NAV3: variants seen among roughly 807,000 people sequenced by gnomAD.
The protein encoded by NAV3 is pore membrane and/or filament interacting like protein 1.
A neutral mutation model predicts 244.7 loss-of-function variants in NAV3; 87 were observed. The observed-to-expected ratio is 0.36, with a 90% CI of 0.30 to 0.42. The LOEUF is 0.42. Ranked by LOEUF, NAV3 falls within the 20% of genes least tolerant of loss-of-function variation. The pLI is 1.00. For missense variants in NAV3, 2,663 were observed against 2,893.3 expected (o/e 0.92, Z 1.83); for synonymous variants, 1,126 against 1,042.2 (o/e 1.08, Z -1.55).
At chr12:77,954,601 C>T (rs964184812) in intron 3 of NAV3, among the ~76,000 whole-genome samples, 3 of 152,174 alleles carry the variant, frequency 2.0e-5, no homozygotes, top group Admixed American at 6.5e-5. Flanking sequence ...GCTTATGACT[C>T]TGTGTAAACT....
At chr12:78,090,043 T>C (rs746264886) in intron 12 of NAV3, among the ~76,000 whole-genome samples, 2 of 152,024 alleles carry the variant, frequency 1.3e-5, no homozygotes, top group Non-Finnish European at 2.9e-5. Flanking sequence ...TATTGCCTTG[T>C]TGCAAAATTA....
intron 12 of NAV3, among the ~76,000 whole-genome samples, chr12:78,094,138 C>T (rs1396947345): frequency 9.2e-5 from 14 of 152,166 alleles, no homozygotes; most frequent in Non-Finnish European, 1.5e-5. Flanking sequence ...CCATGTCTGA[C>T]CTATTTTGCT....
chr12:77,999,498 A>G (rs1482479817), intron 7 of NAV3, among the ~76,000 whole-genome samples: 2 of 152,226 alleles, frequency 1.3e-5, no homozygotes. Context: ...CTCTTCCTCA[A>G]ATGTGAACGG....
At chr12:77,911,553 T>A (rs1272828153) in intron 1 of NAV3, among the ~76,000 whole-genome samples, 2 of 152,132 alleles carry the variant, frequency 1.3e-5, no homozygotes, top group African/African-American at 4.8e-5. Flanking sequence ...TCTTGGTAAA[T>A]GATCATCTAC....
At chr12:78,160,269 G>A (rs1184385629) in intron 23 of NAV3, among the ~76,000 whole-genome samples, 3 of 152,042 alleles carry the variant, frequency 2.0e-5, no homozygotes, top group Non-Finnish European at 4.4e-5. Flanking sequence ...AGAAAGCCTG[G>A]TCACCTTTCC....
intron 2 of NAV3, among the ~76,000 whole-genome samples, chr12:77,736,445 G>A (rs12302041): frequency 0.02 from 3,067 of 152,278 alleles, 110 homozygotes; most frequent in African/African-American, 0.07. Context: ...GGTAACTTAT[G>A]TGGTTGTACC....
intron 2 of NAV3, among the ~76,000 whole-genome samples, chr12:77,769,752 G>A (rs781275418): frequency 1.9e-4 from 29 of 152,184 alleles, no homozygotes; most frequent in Non-Finnish European, 3.2e-4. Flanking sequence ...CAACAAGGAA[G>A]TGAACAGTTA....
chr12:77,957,721 G>A (rs1206371679), intron 3 of NAV3, among the ~76,000 whole-genome samples: 1 of 152,030 alleles, frequency 6.6e-6, no homozygotes, highest in Admixed American at 6.5e-5. Context: ...CTGGAGTGTA[G>A]TGGGGTGATC....
At chr12:77,901,176 G>T (rs143216985) in intron 1 of NAV3, among the ~76,000 whole-genome samples, 1 of 152,022 alleles carries the variant, frequency 6.6e-6, no homozygotes, top group African/African-American at 2.4e-5. Context: ...TATAGATTGC[G>T]TATTTACTCT....
rs1185080108 is a variant in NAV3, at chr12:77,977,776, C to A, written c.671+9074C>A. On this transcript the variant is annotated intron_variant, in intron 5 of 39. Transcript: ENST00000397909. ...AATCAAGTAATATACTCTGATTCTTCCCTAGTTAAGGCCTATCTGAAAATC... is the reference window on the plus strand; with the variant it reads ...AATCAAGTAATATACTCTGATTCTTACCTAGTTAAGGCCTATCTGAAAATC... Among the ~76,000 whole-genome samples, 5 of 151,440 alleles carry A rather than the reference C, an allele frequency of 3.3e-5. No homozygotes were observed. In the East Asian group the frequency reaches 7.7e-4, roughly 23 times the overall value.
intron 2 of NAV3, among the ~76,000 whole-genome samples, chr12:77,739,849 G>A (rs1450039099): frequency 6.6e-6 from 1 of 152,102 alleles, no homozygotes; most frequent in Non-Finnish European, 1.5e-5. Context: ...AATAGAGAGT[G>A]GCTATGATTC....
intron 1 of NAV3, among the ~76,000 whole-genome samples, chr12:77,847,273 A>G (rs1461391703): frequency 2.0e-5 from 3 of 152,214 alleles, no homozygotes; most frequent in Non-Finnish European, 2.9e-5. Flanking sequence ...GATTTCAAAA[A>G]TATGTTTTTA....
chr12:77,593,280 C>CTGTGTG (rs10538987), intron 2 of NAV3, among the ~76,000 whole-genome samples: 6,195 of 149,104 alleles, frequency 0.042, 161 homozygotes, highest in Middle Eastern at 0.073. Context: ...GTATGTGTGT[C>CTGTGTG]TGTGTGTGTG....
chr12:78,141,545 G>A (rs529761275), intron 20 of NAV3, among the ~76,000 whole-genome samples: 1 of 152,204 alleles, frequency 6.6e-6, no homozygotes, highest in African/African-American at 2.4e-5. Flanking sequence ...AGGTTCAAAT[G>A]TTTGTTTGAA....
rs113505216 is a variant in NAV3, at chr12:77,789,667, G to A, written c.73-150652G>A. On this transcript the variant is annotated intron_variant, in intron 2 of 8. Transcript: ENST00000550042. ...TCTACTAAAAATACAAAAAGCAGCC[G>A]GGTGTGGTGGTGGGTGCCTGTAATC... Among the ~76,000 whole-genome samples, 403 of 151,970 alleles carry A rather than the reference G, an allele frequency of 2.7e-3. 3 individuals are homozygous for A. Among genetic ancestry groups the A allele is most frequent in the Middle Eastern group, 0.024 (7 of 294 alleles).
intron 5 of NAV3, among the ~76,000 whole-genome samples, chr12:77,976,005 T>G (rs187611827): frequency 1.3e-5 from 2 of 152,142 alleles, no homozygotes; most frequent in Non-Finnish European, 2.9e-5. Flanking sequence ...CTGATAGACT[T>G]GTAATGAAAT....
intron 5 of NAV3, among the ~76,000 whole-genome samples, chr12:77,979,713 A>G (rs534673320): frequency 7.3e-4 from 34 of 46,362 alleles, no homozygotes; most frequent in African/African-American, 3.6e-3. Context: ...AAAAAAAAAG[A>G]AAAAAAAAAA....
At chr12:78,201,470 G>T (rs926228026) in intron 38 of NAV3, among the ~76,000 whole-genome samples, 11 of 151,692 alleles carry the variant, frequency 7.3e-5, no homozygotes, top group African/African-American at 2.2e-4. Context: ...TGACAGATTG[G>T]TTTCACAGCA....
rs139206279 is a variant in NAV3 at position 78,054,558 on chromosome 12, G to T, written c.2516+3411G>T. On this transcript the variant is annotated intron_variant, in intron 11 of 39. Transcript: ENST00000397909. ...GTGAATTCAGGGGAGAAACTCGGGG[G>T]TTCAATTTCAGGAACTAGTGCAAGA... 8.3e-4 allele frequency among the ~76,000 whole-genome samples: 127 copies of T among 152,274 alleles called. 1 individual carries two copies. Among genetic ancestry groups the T allele is most frequent in the African/African-American group, 3.0e-3 (123 of 41,556 alleles).
Sources: gnomAD v4.1 joint callset for allele counts (sites outside exome capture counted in the v4.1 genomes callset) on GRCh38, gnomAD v4.1.1 for gene constraint, MANE v1.5 for transcripts, NCBI Gene and HGNC (gene_info 2026-07-23, HGNC 2026-07-21) for gene names.